MPP1: variants seen among roughly 807,000 people sequenced by gnomAD.
The protein encoded by MPP1 is 55 kDa erythrocyte membrane protein.
Under a neutral mutation model 38.2 loss-of-function variants are expected in MPP1, and 6 were observed. The ratio of observed to expected loss-of-function variants is 0.16; its 90% confidence interval spans 0.09 to 0.31. MPP1 has a LOEUF of 0.31. MPP1 is among the 10% of genes least tolerant of loss of function. The probability of loss-of-function intolerance (pLI) is 1.00; values close to 1 mark genes in which losing one functional copy is unlikely to be tolerated. For synonymous variants in MPP1, 153 were observed against 146.3 expected, an observed-to-expected ratio of 1.05 and a Z score of -0.33; for missense variants, 293 against 368.9, an observed-to-expected ratio of 0.79 and a Z score of 1.69.
At chrX:154,793,226 C>T (rs2072161538) in intron 1 of MPP1, among the ~76,000 whole-genome samples, 2 of 112,198 alleles carry the variant, frequency 1.8e-5, no homozygotes, top group South Asian at 3.7e-4. Flanking sequence ...AGACGAGACA[C>T]GGAGCAATCA....
chrX:154,795,861 T>C (rs1159850917), intron 1 of MPP1, among the ~76,000 whole-genome samples: 1 of 112,044 alleles, frequency 8.9e-6, no homozygotes, highest in Non-Finnish European at 1.9e-5. Context: ...GGCTATAAGA[T>C]GGGGTGAGAA....
At chrX:154,803,544 A>T (rs2072288278) in intron 1 of MPP1, among the ~76,000 whole-genome samples, 1 of 112,091 alleles carries the variant, frequency 8.9e-6, no homozygotes, top group Admixed American at 9.4e-5. Context: ...AAGGGAACAC[A>T]TAGGTTTACA....
chrX:154,786,151 T>G (rs1386434221), intron 6 of MPP1, 53 bp downstream of exon 6: 1 of 1,071,814 alleles, frequency 9.3e-7, no homozygotes, highest in East Asian at 3.1e-5. Context: ...TTTCTGAAGC[T>G]AAGTTATTTG....
chrX:154,779,864 A>G (rs1281874155), intron 11 of MPP1, among the ~76,000 whole-genome samples: 1 of 112,965 alleles, frequency 8.9e-6, no homozygotes, highest in Non-Finnish European at 1.9e-5. Context: ...GATTACAGGC[A>G]TGCGCCACCA....
At chrX:154,781,385 C>T in intron 10 of MPP1, 72 bp from the exon 11 acceptor site, 1 of 874,173 alleles carries the variant, frequency 1.1e-6, no homozygotes, top group African/African-American at 2.0e-5. Context: ...AAAAAACCTA[C>T]ATAGCTGTCA....
intron 11 of MPP1, among the ~76,000 whole-genome samples, chrX:154,779,970 C>T (rs893841143): frequency 1.8e-5 from 2 of 112,663 alleles, no homozygotes; most frequent in East Asian, 2.8e-4. Context: ...CCGCCCGCCT[C>T]GGCCTCTCAA....
Position 154,791,825 on chromosome X carries a change from T to C in MPP1, c.269A>G (p.Glu90Gly). 1 of 1,209,950 alleles carries C rather than the reference T, an allele frequency of 8.3e-7. No individual in the cohort carries two copies. The highest frequency in any genetic ancestry group is 1.1e-6 in the Non-Finnish European group (1 of 893,786). Residue 90 changes from glutamate to glycine, a missense_variant, in exon 3 of 12, where the codon GAA becomes GGA. By Grantham distance (98) the Glu-to-Gly change is moderately conservative. Coordinates refer to ENST00000369534, the MANE Select transcript of MPP1 (RefSeq NM_002436.4). ...TCTGGCCACCGTACAGGACTGTTTTTCATTCAGCTTCAGCGTGATTCCCTG... is the reference window on the plus strand; with the variant it reads ...TCTGGCCACCGTACAGGACTGTTTTCCATTCAGCTTCAGCGTGATTCCCTG... Reference protein sequence around the residue: ...EPMGITLKLNEKQSCTVARIL... With the variant: ...EPMGITLKLNGKQSCTVARIL...
chrX:154,785,526 T>C (rs1018455003), intron 6 of MPP1, among the ~76,000 whole-genome samples: 1 of 111,432 alleles, frequency 9.0e-6, no homozygotes, highest in African/African-American at 3.3e-5. Flanking sequence ...ACAAAACACA[T>C]ACACACACCC....
chrX:154,805,402 A>T lies in MPP1; in HGVS notation c.-29T>A, dbSNP rs1212725122. On this transcript the variant is annotated 5_prime_UTR_variant, in exon 1 of 12. In the 5' UTR this introduces an upstream ATG that the reference lacks. Coordinates refer to ENST00000369534, the MANE Select transcript of MPP1 (RefSeq NM_002436.4). ...GCAGAAGCTGGAACACTGGAACGCA[A>T]GACAGGGCAGCGCTGGGAATGACAG... 1.7e-6 allele frequency: 2 copies of T among 1,152,638 alleles called. No homozygotes were observed. Among genetic ancestry groups the T allele is most frequent in the African/African-American group, 3.6e-5 (2 of 56,282 alleles). 95.0% of individuals were successfully genotyped at this position (1,152,638 alleles called of 1,213,427 possible).
intron 1 of MPP1, among the ~76,000 whole-genome samples, chrX:154,801,547 T>C (rs2072261006): frequency 9.2e-6 from 1 of 109,062 alleles, no homozygotes; most frequent in Non-Finnish European, 1.9e-5. Context: ...TCACCTGAGA[T>C]CAGGAGTTCG....
chrX:154,800,038 C>T (rs782344548), intron 1 of MPP1: 101 of 457,654 alleles, frequency 2.2e-4, no homozygotes, highest in African/African-American at 2.2e-3. Context: ...CAAATATTTG[C>T]TCAGCCTACT....
intron 2 of MPP1, 49 bp downstream of exon 2, chrX:154,792,093 C>A: frequency 8.4e-7 from 1 of 1,191,225 alleles, no homozygotes. Context: ...GGCCCAGTGA[C>A]TCATGGGGCA....
At chrX:154,796,428 G>A (rs947936755) in intron 1 of MPP1, among the ~76,000 whole-genome samples, 2 of 111,711 alleles carry the variant, frequency 1.8e-5, no homozygotes, top group Admixed American at 9.5e-5. Context: ...CACCATGCCC[G>A]GCCAAGATTT....
At position 154,778,975 on chromosome X, in the gene MPP1, G is replaced by T; in HGVS notation, c.*202C>A. On this transcript the variant is annotated 3_prime_UTR_variant, in exon 12 of 12. Transcript: ENST00000369534. The stretch of plus-strand genomic sequence containing the variant: ...AGAAATCCTTTTCAAATCCAGATCA[G>T]TGGGGCCCCATCTATCAGGAGAATC... 2.5e-6 allele frequency: 1 copy of T among 402,298 alleles called. No homozygotes were observed. The highest frequency in any genetic ancestry group is 4.2e-6 in the Non-Finnish European group (1 of 236,978). The allele number at this position is 402,298 out of a possible 1,213,427, so 33.2% of individuals were successfully genotyped here.
At chrX:154,799,653 G>T in intron 1 of MPP1, 1 of 998,866 alleles carries the variant, frequency 1.0e-6, no homozygotes, top group Non-Finnish European at 1.3e-6. Context: ...GCTATGGCAG[G>T]CCTGCCCCTG....
chrX:154,783,819 T>C lies in MPP1; in HGVS notation c.865+209A>G. 6.8e-6 allele frequency: 3 copies of C among 442,073 alleles called. No homozygotes were observed. In the East Asian group the frequency reaches 1.1e-4, roughly 17 times the overall value. 36.4% of individuals were successfully genotyped at this position (442,073 alleles called of 1,213,427 possible). A position where few individuals can be genotyped will look rare whatever the true frequency, so the allele number is the denominator to read the frequency against. On this transcript the variant is annotated intron_variant, in intron 8 of 11. Coordinates refer to ENST00000369534, the MANE Select transcript of MPP1 (RefSeq NM_002436.4). ...CCAAAAATAATTCGTTGCTAAATAG[T>C]AGAGAAACTTGTAAGGTTTAGTTTC...
Position 154,781,302 on chromosome X carries a change from A to G in MPP1, c.1161T>C (p.Ile387=). ...AAGGCGAAAGTTCTGCTGTCCGAAC[A>G]ATTTTCAGGGTCTAGAAAAAAAAAA... ...ILDIEPQTLK[I]VRTAELSPFI... Residue 387 remains isoleucine (I), a synonymous_variant, in exon 11 of 12, where the codon ATT becomes ATC. Transcript: ENST00000369534. 8.3e-7 allele frequency: 1 copy of G among 1,200,752 alleles called. No individual in the cohort carries two copies. Among genetic ancestry groups the G allele is most frequent in the Non-Finnish European group, 1.1e-6 (1 of 890,624 alleles).
chrX:154,784,952 C>T (rs1193290699), intron 7 of MPP1, 99 bp downstream of exon 7: 7 of 727,469 alleles, frequency 9.6e-6, no homozygotes, highest in African/African-American at 4.1e-5. Context: ...GCGCCTTCTG[C>T]TGCGCACTGC....
intron 7 of MPP1, chrX:154,784,607 C>T (rs1244316221): frequency 4.2e-5 from 10 of 240,483 alleles, no homozygotes; most frequent in South Asian, 1.4e-4. Flanking sequence ...GTGCACGTGA[C>T]GTCTCAGAAA....
Sources: allele counts gnomAD v4.1 joint callset (sites outside exome capture counted in the v4.1 genomes callset), GRCh38; gene constraint gnomAD v4.1.1; transcripts MANE v1.5; gene names NCBI Gene and HGNC (gene_info 2026-07-23, HGNC 2026-07-21).